The following BNC2 variants were observed in gnomAD, a reference collection of about 807,000 sequenced individuals.
The protein encoded by BNC2 is basonuclin zinc finger protein 2.
BNC2 carries 20 observed loss-of-function variants against 76.3 expected under a neutral mutation model. The observed-to-expected ratio is 0.26, with a 90% CI of 0.18 to 0.38. The LOEUF is 0.38. Among genes scored for constraint, BNC2 ranks in the 10% least tolerant of loss-of-function variants. BNC2 has a pLI of 1.00. For synonymous variants in BNC2, 582 were observed against 514.8 expected, an observed-to-expected ratio of 1.13 and a Z score of -1.77; for missense variants, 1,382 against 1,399.8, an observed-to-expected ratio of 0.99 and a Z score of 0.20.
At chr9:16,565,980 G>C (rs1482358271) in intron 4 of BNC2, among the ~76,000 whole-genome samples, 1 of 152,158 alleles carries the variant, frequency 6.6e-6, no homozygotes, top group African/African-American at 2.4e-5. Flanking sequence ...AGAGAGATAA[G>C]CGAGGTTCCA....
chr9:16,719,119 G>C (rs1377148172), intron 3 of BNC2, among the ~76,000 whole-genome samples: 2 of 152,142 alleles, frequency 1.3e-5, no homozygotes, highest in East Asian at 1.9e-4. Context: ...CAATGAGAAT[G>C]TTTGCAGGCA....
At chr9:16,427,236 G>A (rs1055075031) in intron 6 of BNC2, among the ~76,000 whole-genome samples, 1 of 152,168 alleles carries the variant, frequency 6.6e-6, no homozygotes, top group African/African-American at 2.4e-5. Flanking sequence ...AAACTGCCAC[G>A]CATAGGAGCT....
chr9:16,782,493 A>G (rs1586880280), intron 1 of BNC2, among the ~76,000 whole-genome samples: 1 of 152,122 alleles, frequency 6.6e-6, no homozygotes, highest in East Asian at 1.9e-4. Flanking sequence ...TTTACATACT[A>G]GTCTAATGTG....
chr9:16,532,141 C>A (rs1462168682), intron 5 of BNC2, among the ~76,000 whole-genome samples: 1 of 150,548 alleles, frequency 6.6e-6, no homozygotes. Context: ...ATCCTTGATA[C>A]TGGAGTGGCA....
chr9:16,587,857 C>T (rs1299836748), intron 3 of BNC2, among the ~76,000 whole-genome samples: 3 of 152,168 alleles, frequency 2.0e-5, no homozygotes, highest in Non-Finnish European at 4.4e-5. Flanking sequence ...AGGGCAGCTG[C>T]CCTGTCTCCC....
chr9:16,781,294 T>C (rs1399306874), intron 1 of BNC2, among the ~76,000 whole-genome samples: 1 of 145,842 alleles, frequency 6.9e-6, no homozygotes, highest in Admixed American at 6.9e-5. Flanking sequence ...AATGCATACC[T>C]ACAAAAAAAA....
chr9:16,832,604 A>G (rs1818601824), intron 1 of BNC2, among the ~76,000 whole-genome samples: 1 of 152,228 alleles, frequency 6.6e-6, no homozygotes, highest in African/African-American at 2.4e-5. Context: ...AATCCTCAAG[A>G]CAAAACATAC....
intron 1 of BNC2, among the ~76,000 whole-genome samples, chr9:16,805,408 C>G (rs544922278): frequency 6.6e-6 from 1 of 152,000 alleles, no homozygotes; most frequent in Non-Finnish European, 1.5e-5. Flanking sequence ...CTCACCGCAA[C>G]CTCCGCCTCC....
At chr9:16,701,046 C>T (rs1222887421) in intron 3 of BNC2, among the ~76,000 whole-genome samples, 1 of 152,288 alleles carries the variant, frequency 6.6e-6, no homozygotes, top group East Asian at 1.9e-4. Flanking sequence ...GATGGGGAAA[C>T]TGAAGAGTTG....
At chr9:16,721,506 T>C (rs1331249107) in intron 3 of BNC2, among the ~76,000 whole-genome samples, 1 of 152,082 alleles carries the variant, frequency 6.6e-6, no homozygotes, top group Non-Finnish European at 1.5e-5. Flanking sequence ...CATCACTTCC[T>C]AGGACCCCCA....
At chr9:16,849,352 A>ATTTTTTTTTTTTTTTTTT (rs35561834) in intron 1 of BNC2, among the ~76,000 whole-genome samples, 1 of 90,084 alleles carries the variant, frequency 1.1e-5, no homozygotes, top group Non-Finnish European at 2.0e-5. Context: ...CATGCAAAAG[A>ATTTTTTTTTTTTTTTTTT]TTTTTTTTTT....
intron 3 of BNC2, among the ~76,000 whole-genome samples, chr9:16,653,330 C>G (rs983788149): frequency 6.6e-6 from 1 of 152,142 alleles, no homozygotes; most frequent in African/African-American, 2.4e-5. Flanking sequence ...TAAGTGCCCA[C>G]ACACAGAAAT....
At chr9:16,431,425 T>C (rs919673503) in intron 6 of BNC2, 2 of 468,446 alleles carry the variant, frequency 4.3e-6, no homozygotes, top group Admixed American at 4.7e-5. Context: ...ACTATCACGC[T>C]CTCTTCAAGA....
chr9:16,761,723 C>A (rs1431195782), intron 1 of BNC2, among the ~76,000 whole-genome samples: 2 of 152,184 alleles, frequency 1.3e-5, no homozygotes, highest in African/African-American at 4.8e-5. Context: ...ATTCAGTACT[C>A]ATAATTATTC....
intron 1 of BNC2, among the ~76,000 whole-genome samples, chr9:16,816,174 A>G (rs1249326394): frequency 6.6e-6 from 1 of 152,120 alleles, no homozygotes; most frequent in African/African-American, 2.4e-5. Context: ...AAGCCTAATC[A>G]CTAGCTTGAG....
chr9:16,841,395 T>C (rs1818821874), intron 1 of BNC2, among the ~76,000 whole-genome samples: 1 of 152,084 alleles, frequency 6.6e-6, no homozygotes, highest in Non-Finnish European at 1.5e-5. Flanking sequence ...CCTATGCTAC[T>C]TCCACTACAC....
At chr9:16,684,928 A>G (rs1822931436) in intron 3 of BNC2, among the ~76,000 whole-genome samples, 1 of 152,012 alleles carries the variant, frequency 6.6e-6, no homozygotes, top group African/African-American at 2.4e-5. Flanking sequence ...TACTTTGCTA[A>G]TATACTCCTA....
chr9:16,820,006 T>C (rs1818280536), intron 1 of BNC2, among the ~76,000 whole-genome samples: 1 of 148,424 alleles, frequency 6.7e-6, no homozygotes, highest in African/African-American at 2.5e-5. Context: ...GTGCCTGTAA[T>C]CCCAGCTACT....
intron 1 of BNC2, among the ~76,000 whole-genome samples, chr9:16,845,283 A>G (rs1454859690): frequency 6.6e-6 from 1 of 151,672 alleles, no homozygotes; most frequent in Non-Finnish European, 1.5e-5. Context: ...ATTTTTTTAA[A>G]ATGGAGGGAG....
Sources: gnomAD v4.1 joint callset for allele counts (sites outside exome capture counted in the v4.1 genomes callset) on GRCh38, gnomAD v4.1.1 for gene constraint, MANE v1.5 for transcripts, NCBI Gene and HGNC (gene_info 2026-07-23, HGNC 2026-07-21) for gene names.